FRY: variants seen among roughly 807,000 people sequenced by gnomAD.
FRY encodes the protein FRY microtubule binding protein.
A neutral mutation model predicts 348.4 loss-of-function variants in FRY; 128 were observed. The ratio of observed to expected loss-of-function variants is 0.37; its 90% CI spans 0.32 to 0.43. FRY has a LOEUF of 0.43. FRY is among the 20% of genes least tolerant of loss of function. The pLI is 1.00. For missense variants in FRY, 2,736 were observed against 3,695.2 expected, an observed-to-expected ratio of 0.74 and a Z score of 6.73; for synonymous variants, 1,370 against 1,374.7, an observed-to-expected ratio of 1.00 and a Z score of 0.08.
intron 10 of FRY, 83 bp downstream of exon 10, chr13:32,135,266 A>C: frequency 1.2e-6 from 1 of 857,426 alleles, no homozygotes; most frequent in Non-Finnish European, 2.0e-6. Context: ...TGAGGATCCT[A>C]AGGACTCCAC....
At chr13:32,097,593 T>TTTCTATCACATTA (rs1566069084) in intron 2 of FRY, among the ~76,000 whole-genome samples, 1 of 151,952 alleles carries the variant, frequency 6.6e-6, no homozygotes, top group African/African-American at 2.4e-5. Context: ...ATTCCCAACA[T>TTTCTATCACATTA]CAGGTGATCT....
At position 32,037,223 on chromosome 13, in the gene FRY, A is replaced by G. The variant is rs139457776; in HGVS notation, c.70+5358A>G. On this transcript the variant is annotated intron_variant, in intron 1 of 60. Transcript: ENST00000542859. ...ATATAGACATTCACAAAATAGGATT[A>G]TAGTAATAAGGCACATTTCTTCTGT... Among the ~76,000 whole-genome samples the G allele has an allele frequency of 3.3e-3, 510 of 152,318 alleles. 14 individuals carry two copies. Among genetic ancestry groups the G allele is most frequent in the Non-Finnish European group, 5.9e-4 (40 of 68,032 alleles).
At chr13:32,154,080 C>T (rs974399473) in intron 14 of FRY, among the ~76,000 whole-genome samples, 1 of 152,158 alleles carries the variant, frequency 6.6e-6, no homozygotes, top group African/African-American at 2.4e-5. Context: ...ATAATTGAGG[C>T]TTGACCACAT....
chr13:32,048,572 A>G (rs941030522), intron 1 of FRY, among the ~76,000 whole-genome samples: 3 of 152,216 alleles, frequency 2.0e-5, no homozygotes, highest in South Asian at 2.1e-4. Context: ...TAAAAATACT[A>G]ACTTTTTCCT....
intron 31 of FRY, among the ~76,000 whole-genome samples, chr13:32,207,734 TA>T (rs1384949925): frequency 6.6e-6 from 1 of 152,222 alleles, no homozygotes; most frequent in African/African-American, 2.4e-5. Context: ...ATTATAATTT[TA>T]ATTTTAGGAA....
chr13:32,276,406 C>T, intron 56 of FRY, 58 bp from the exon 57 acceptor site: 2 of 848,468 alleles, frequency 2.4e-6, no homozygotes, highest in Non-Finnish European at 4.2e-6. Flanking sequence ...TTCTGTGTAG[C>T]CATGCCTTTG....
chr13:32,107,726 G>T (rs552890154), intron 3 of FRY, among the ~76,000 whole-genome samples: 8 of 152,268 alleles, frequency 5.3e-5, no homozygotes, highest in African/African-American at 1.9e-4. Context: ...AAGCTAAAGC[G>T]GGTGTGAGCC....
At chr13:32,143,601 G>A (rs1244294897) in intron 11 of FRY, among the ~76,000 whole-genome samples, 2 of 152,068 alleles carry the variant, frequency 1.3e-5, no homozygotes, top group Non-Finnish European at 2.9e-5. Flanking sequence ...GATGATACTT[G>A]CCTTCCTCAT....
intron 7 of FRY, among the ~76,000 whole-genome samples, chr13:32,129,730 A>G (rs1327791503): frequency 6.6e-6 from 1 of 152,172 alleles, no homozygotes; most frequent in Non-Finnish European, 1.5e-5. Context: ...ATTGCCTTTT[A>G]AAAATCTTTT....
chr13:32,219,797 A>G (rs1885221293), intron 36 of FRY, among the ~76,000 whole-genome samples: 1 of 152,114 alleles, frequency 6.6e-6, no homozygotes, highest in African/African-American at 2.4e-5. Flanking sequence ...TTAACCTTGA[A>G]GCTTTGAAAT....
chr13:32,109,752 T>C (rs1427360717), intron 3 of FRY, among the ~76,000 whole-genome samples: 5 of 152,284 alleles, frequency 3.3e-5, no homozygotes, highest in Admixed American at 2.6e-4. Flanking sequence ...GTAAATCCGT[T>C]ATGCATACTG....
intron 37 of FRY, 135 bp from the exon 38 acceptor site, chr13:32,224,798 T>C: frequency 1.4e-6 from 1 of 700,282 alleles, no homozygotes. Context: ...CAAGTTAAAC[T>C]CTATTTCCCC....
At chr13:32,222,267 G>A (rs1885356224) in intron 36 of FRY, among the ~76,000 whole-genome samples, 1 of 152,198 alleles carries the variant, frequency 6.6e-6, no homozygotes, top group South Asian at 2.1e-4. Context: ...GGGTGAGCAA[G>A]GGTGCGCTGG....
intron 13 of FRY, 136 bp from the exon 14 acceptor site, chr13:32,149,612 G>GC: frequency 1.5e-6 from 1 of 675,964 alleles, no homozygotes; most frequent in Non-Finnish European, 2.7e-6. Flanking sequence ...CAGGTTCTCT[G>GC]CAAGCCACAA....
chr13:32,265,098 G>A (rs548990836), intron 53 of FRY, among the ~76,000 whole-genome samples: 3 of 152,302 alleles, frequency 2.0e-5, no homozygotes, highest in South Asian at 2.1e-4. Flanking sequence ...CCTTTCCCAC[G>A]TGGAGCATTG....
intron 31 of FRY, among the ~76,000 whole-genome samples, chr13:32,207,324 C>A (rs1480531533): frequency 6.6e-6 from 1 of 152,170 alleles, no homozygotes; most frequent in Non-Finnish European, 1.5e-5. Flanking sequence ...TATTCTGAGT[C>A]TTTGCACCCA....
chr13:32,233,172 TTC>T (rs1886013564), intron 41 of FRY, among the ~76,000 whole-genome samples: 1 of 152,184 alleles, frequency 6.6e-6, no homozygotes, highest in African/African-American at 2.4e-5. Context: ...ACCCTCTGTT[TTC>T]TCTGCAGGAA....
chr13:32,152,057 G>A (rs1431834818), intron 14 of FRY, among the ~76,000 whole-genome samples: 1 of 152,112 alleles, frequency 6.6e-6, no homozygotes, highest in East Asian at 1.9e-4. Context: ...GACAAAATAT[G>A]TGCAATATTT....
chr13:32,131,587 C>T, intron 7 of FRY, 85 bp from the exon 8 acceptor site: 1 of 893,236 alleles, frequency 1.1e-6, no homozygotes, highest in African/African-American at 1.6e-5. Flanking sequence ...CATTGCTCTG[C>T]TCAATCACTC....
Sources: gnomAD v4.1 joint callset for allele counts (sites outside exome capture counted in the v4.1 genomes callset) on GRCh38, gnomAD v4.1.1 for gene constraint, MANE v1.5 for transcripts, NCBI Gene and HGNC (gene_info 2026-07-23, HGNC 2026-07-21) for gene names.